UNC13C: variants seen among roughly 807,000 people sequenced by gnomAD.
UNC13C encodes protein unc-13 homolog C.
In UNC13C, 174 loss-of-function variants were observed where a neutral mutation model predicts 245.4. The observed-to-expected ratio is 0.71, with a 90% CI of 0.63 to 0.80. The LOEUF (loss-of-function observed/expected upper bound fraction) is 0.80. Ranked by LOEUF, UNC13C falls within the 30% of genes least tolerant of loss-of-function variation. The pLI is 0.00. For synonymous variants in UNC13C, 992 were observed against 895.1 expected, an observed-to-expected ratio of 1.11 and a Z score of -1.93; for missense variants, 2,829 against 2,602.9, an observed-to-expected ratio of 1.09 and a Z score of -1.89.
At position 54,546,371 on chromosome 15, in the gene UNC13C, T is replaced by C. The variant is rs1461087131; in HGVS notation, c.5697-351T>C. ...CATTAGGAGAAATACCTAATGTAGATGTCGGCTTGATGGGTGCATCAAACC... is the reference window on the plus strand; with the variant it reads ...CATTAGGAGAAATACCTAATGTAGACGTCGGCTTGATGGGTGCATCAAACC... On this transcript the variant is annotated intron_variant, in intron 26 of 32. Transcript: ENST00000260323. Among the ~76,000 whole-genome samples the C allele has an allele frequency of 3.3e-5, 5 of 152,146 alleles. No individual in the cohort carries two copies. The South Asian group carries it at 6.2e-4, about 19-fold the overall frequency.
At chr15:54,316,956 G>C (rs1256587240) in intron 13 of UNC13C, among the ~76,000 whole-genome samples, 1 of 151,810 alleles carries the variant, frequency 6.6e-6, no homozygotes, top group East Asian at 1.9e-4. Context: ...ATTAGATGAA[G>C]ACTATGTTTT....
chr15:54,468,049 A>G (rs1892274959), intron 19 of UNC13C, among the ~76,000 whole-genome samples: 1 of 151,708 alleles, frequency 6.6e-6, no homozygotes, highest in South Asian at 2.1e-4. Flanking sequence ...ACTGTTTTCC[A>G]AAGTGCCTGT....
intron 4 of UNC13C, among the ~76,000 whole-genome samples, chr15:54,204,193 A>G (rs1226016565): frequency 6.6e-6 from 1 of 151,476 alleles, no homozygotes. Flanking sequence ...GGTACAGTGT[A>G]CGCTGCTTGG....
intron 2 of UNC13C, chr15:54,049,808 A>G (rs16974004): frequency 0.015 from 3,812 of 254,032 alleles, 173 homozygotes; most frequent in African/African-American, 0.085. Context: ...CAACTAAAGT[A>G]ATAGGATGCT....
At chr15:54,333,488 T>C (rs947878885) in intron 15 of UNC13C, among the ~76,000 whole-genome samples, 58 of 152,210 alleles carry the variant, frequency 3.8e-4, no homozygotes, top group African/African-American at 1.4e-3. Context: ...CAAGCATTAA[T>C]AACATCATAA....
At chr15:54,470,598 T>C (rs905178296) in intron 19 of UNC13C, among the ~76,000 whole-genome samples, 3 of 128,284 alleles carry the variant, frequency 2.3e-5, no homozygotes, top group Non-Finnish European at 5.1e-5. Context: ...ATCTCTTTTT[T>C]CATTTATGAT....
At chr15:53,905,913 A>C in the UNC13C span, among the ~76,000 whole-genome samples, 7 of 152,202 alleles carry the variant, frequency 4.6e-5, no homozygotes, top group African/African-American at 1.4e-4. Context: ...TACTTTTATC[A>C]TACTAAGCAG....
At chr15:54,467,630 T>C (rs1259133235) in intron 19 of UNC13C, among the ~76,000 whole-genome samples, 3 of 151,692 alleles carry the variant, frequency 2.0e-5, no homozygotes, top group Non-Finnish European at 3.0e-5. Flanking sequence ...CCCTTCTCCA[T>C]CTACCCTGCT....
intron 16 of UNC13C, among the ~76,000 whole-genome samples, chr15:54,336,281 TCA>T (rs1381010761): frequency 6.6e-6 from 1 of 152,066 alleles, no homozygotes. Context: ...CACAAAGTTA[TCA>T]TATTTGTGAG....
chr15:54,143,045 T>C lies in UNC13C; in HGVS notation c.3006+5T>C. The C allele has an allele frequency of 1.2e-6, 2 of 1,610,406 alleles. No individual in the cohort carries two copies. The highest frequency in any genetic ancestry group is 1.7e-6 in the Non-Finnish European group (2 of 1,178,178). The stretch of plus-strand genomic sequence containing the variant: ...AGCAGTTCTGTGGATGAAAAGGTTT[T>C]AAATCATACTTATTCTTCCCTCCTG... On this transcript the variant is annotated splice_donor_5th_base_variant and intron_variant, in intron 3 of 32. Transcript: ENST00000260323.
intron 2 of UNC13C, among the ~76,000 whole-genome samples, chr15:54,020,175 G>A (rs1229965854): frequency 1.3e-5 from 2 of 151,948 alleles, no homozygotes; most frequent in African/African-American, 4.8e-5. Flanking sequence ...AAGCTATGTA[G>A]CAAATATACC....
intron 4 of UNC13C, among the ~76,000 whole-genome samples, chr15:54,191,875 CCTTCACCCT>C (rs1354516789): frequency 6.6e-6 from 1 of 151,942 alleles, no homozygotes; most frequent in Non-Finnish European, 1.5e-5. Flanking sequence ...CTGTTCATAT[CCTTCACCCT>C]CTTTTTGTTG....
intron 30 of UNC13C, among the ~76,000 whole-genome samples, chr15:54,588,323 G>T (rs1037793557): frequency 3.9e-5 from 6 of 152,062 alleles, no homozygotes; most frequent in Admixed American, 3.9e-4. Flanking sequence ...TTAAATCTCA[G>T]CTCTGCCACT....
At chr15:53,911,115 C>T in the UNC13C span, 1 of 152,164 alleles carries the variant, frequency 6.6e-6, no homozygotes, top group Non-Finnish European at 1.5e-5. Context: ...ATGGGCGTTT[C>T]TGACAGCACT....
chr15:54,446,261 G>C (rs912346815), intron 19 of UNC13C, among the ~76,000 whole-genome samples: 2 of 152,124 alleles, frequency 1.3e-5, no homozygotes, highest in African/African-American at 2.4e-5. Flanking sequence ...ACTTAGAATT[G>C]ACTTGGCAAT....
intron 4 of UNC13C, among the ~76,000 whole-genome samples, chr15:54,191,565 C>T (rs369971546): frequency 8.7e-4 from 133 of 152,236 alleles, no homozygotes; most frequent in African/African-American, 3.1e-3. Flanking sequence ...GGTATATACC[C>T]AGTAAATGGG....
intron 4 of UNC13C, among the ~76,000 whole-genome samples, chr15:54,227,041 G>C (rs80283569): frequency 0.03 from 4,629 of 152,202 alleles, 226 homozygotes; most frequent in East Asian, 0.23. Context: ...AGTGGGTCCT[G>C]AGTCCTTATA....
chr15:54,559,784 G>A lies in UNC13C; in HGVS notation c.5958+4272G>A, dbSNP rs186489461. Among the ~76,000 whole-genome samples, 30 of 152,070 alleles carry A rather than the reference G, an allele frequency of 2.0e-4. 1 individual carries two copies. Among genetic ancestry groups the A allele is most frequent in the South Asian group, 1.2e-3 (6 of 4,824 alleles). On this transcript the variant is annotated intron_variant, in intron 29 of 32. Transcript: ENST00000260323. ...TATAGAAAACACAGCATGAGTGACCGAAGAGAAGGCATTGGCCGGCATGAA... is the reference window on the plus strand; with the variant it reads ...TATAGAAAACACAGCATGAGTGACCAAAGAGAAGGCATTGGCCGGCATGAA...
At chr15:54,441,995 A>G (rs2140991321) in intron 19 of UNC13C, among the ~76,000 whole-genome samples, 1 of 152,116 alleles carries the variant, frequency 6.6e-6, no homozygotes, top group Admixed American at 6.6e-5. Flanking sequence ...TATTGTATAG[A>G]AACACTACTG....
Sources: gnomAD v4.1 joint callset for allele counts (sites outside exome capture counted in the v4.1 genomes callset) on GRCh38, gnomAD v4.1.1 for gene constraint, MANE v1.5 for transcripts, NCBI Gene and HGNC (gene_info 2026-07-23, HGNC 2026-07-21) for gene names.